Variants in ASTN2 observed in about 807,000 individuals in gnomAD.
The protein encoded by ASTN2 is astrotactin 2.
Under a neutral mutation model 139.8 loss-of-function variants are expected in ASTN2, and 54 were observed. The observed-to-expected ratio is 0.39, with a 90% CI of 0.31 to 0.48. The LOEUF (loss-of-function observed/expected upper bound fraction) is 0.48, where lower values mean the gene tolerates loss of function less well. Among genes scored for constraint, ASTN2 ranks in the 20% least tolerant of loss-of-function variants. ASTN2 has a pLI of 0.95. For synonymous variants in ASTN2, 756 were observed against 719.5 expected (o/e 1.05, Z -0.81); for missense variants, 1,565 against 1,725.1 (o/e 0.91, Z 1.64).
At chr9:116,796,871 G>A (rs1830705524) in intron 13 of ASTN2, among the ~76,000 whole-genome samples, 1 of 152,132 alleles carries the variant, frequency 6.6e-6, no homozygotes, top group Non-Finnish European at 1.5e-5. Flanking sequence ...GAATGCAGTG[G>A]TGCCATCATG....
At chr9:117,060,422 G>C (rs1839233119) in intron 5 of ASTN2, among the ~76,000 whole-genome samples, 1 of 92,222 alleles carries the variant, frequency 1.1e-5, no homozygotes, top group African/African-American at 5.3e-5. Flanking sequence ...AGGAAAGGAA[G>C]GAAGGAAGGA....
chr9:117,274,273 C>T (rs1834133233), intron 2 of ASTN2, among the ~76,000 whole-genome samples: 1 of 152,138 alleles, frequency 6.6e-6, no homozygotes, highest in Non-Finnish European at 1.5e-5. Context: ...TCGCCTGACT[C>T]TGGGAGGTAG....
chr9:117,114,523 A>T, intron 4 of ASTN2, among the ~76,000 whole-genome samples: 1 of 152,318 alleles, frequency 6.6e-6, no homozygotes, highest in East Asian at 1.9e-4. Flanking sequence ...GTTATATATC[A>T]ATCATGGAAT....
chr9:116,578,806 A>G (rs943003272), intron 19 of ASTN2: 1 of 152,198 alleles, frequency 6.6e-6, no homozygotes, highest in African/African-American at 2.4e-5. Flanking sequence ...CCTAATATGT[A>G]ATACATTCTT....
chr9:117,131,685 G>A (rs1350899293), intron 4 of ASTN2, among the ~76,000 whole-genome samples: 1 of 152,136 alleles, frequency 6.6e-6, no homozygotes, highest in Admixed American at 6.5e-5. Context: ...CTTAACTCAA[G>A]CATTTACTTC....
At chr9:116,526,287 T>C (rs1190408732) in intron 19 of ASTN2, among the ~76,000 whole-genome samples, 1 of 152,182 alleles carries the variant, frequency 6.6e-6, no homozygotes, top group East Asian at 1.9e-4. Flanking sequence ...GGAATAATCA[T>C]ACCTACTCTG....
At chr9:116,873,269 C>G (rs984490118) in intron 10 of ASTN2, among the ~76,000 whole-genome samples, 1 of 152,182 alleles carries the variant, frequency 6.6e-6, no homozygotes, top group Non-Finnish European at 1.5e-5. Context: ...GTGCCTGGCA[C>G]ATGGTGACTG....
intron 1 of ASTN2, among the ~76,000 whole-genome samples, chr9:117,333,519 T>C (rs1026416434): frequency 6.6e-6 from 1 of 152,154 alleles, no homozygotes; most frequent in African/African-American, 2.4e-5. Context: ...AAGATGCCCA[T>C]GTAGGTGCTC....
intron 1 of ASTN2, among the ~76,000 whole-genome samples, chr9:117,303,477 G>C (rs1231238397): frequency 6.6e-6 from 1 of 152,022 alleles, no homozygotes; most frequent in East Asian, 1.9e-4. Flanking sequence ...CTTCACCCCT[G>C]CTTTATAGCC....
At chr9:116,736,991 C>T (rs1215938871) in intron 13 of ASTN2, among the ~76,000 whole-genome samples, 1 of 152,154 alleles carries the variant, frequency 6.6e-6, no homozygotes, top group African/African-American at 2.4e-5. Flanking sequence ...CACCCCTTCT[C>T]GGAGGAAGGT....
At chr9:116,822,163 A>G (rs1831501433) in intron 11 of ASTN2, among the ~76,000 whole-genome samples, 2 of 141,634 alleles carry the variant, frequency 1.4e-5, no homozygotes, top group Non-Finnish European at 3.0e-5. Flanking sequence ...AAACATACTC[A>G]CAAAAATTAA....
chr9:117,356,302 T>A (rs1587976815), intron 1 of ASTN2, among the ~76,000 whole-genome samples: 1 of 152,356 alleles, frequency 6.6e-6, no homozygotes, highest in African/African-American at 2.4e-5. Flanking sequence ...TAAATATGCA[T>A]CTCGATTCTT....
chr9:117,137,171 C>T (rs4335199), intron 4 of ASTN2, among the ~76,000 whole-genome samples: 79,055 of 151,966 alleles, frequency 0.52, 20,605 homozygotes, highest in East Asian at 0.67. Flanking sequence ...CCTCCACTAT[C>T]CTTCCTCTGT....
intron 16 of ASTN2, among the ~76,000 whole-genome samples, chr9:116,666,740 G>A (rs1183561966): frequency 1.3e-5 from 2 of 151,856 alleles, no homozygotes; most frequent in Non-Finnish European, 2.9e-5. Context: ...AACAGGTGGT[G>A]AATCCCTAAA....
intron 16 of ASTN2, among the ~76,000 whole-genome samples, chr9:116,667,683 T>C (rs770052261): frequency 4.6e-5 from 7 of 152,240 alleles, no homozygotes; most frequent in Non-Finnish European, 7.3e-5. Context: ...TTTCATATTC[T>C]ACATTATGTA....
chr9:117,402,434 T>A (rs1830859390), intron 1 of ASTN2, among the ~76,000 whole-genome samples: 1 of 152,164 alleles, frequency 6.6e-6, no homozygotes, highest in African/African-American at 2.4e-5. Context: ...AGGAAAACGA[T>A]GAAGAATGAC....
intron 20 of ASTN2, among the ~76,000 whole-genome samples, chr9:116,451,741 A>G (rs1848181218): frequency 6.6e-6 from 1 of 152,118 alleles, no homozygotes; most frequent in East Asian, 1.9e-4. Context: ...TTTGTACGAA[A>G]AAATGATGAC....
intron 1 of ASTN2, among the ~76,000 whole-genome samples, chr9:117,404,239 T>C (rs1056112079): frequency 2.0e-5 from 3 of 152,222 alleles, no homozygotes; most frequent in Admixed American, 6.5e-5. Context: ...TATTGATGGG[T>C]AAGCAGAGGC....
chr9:116,963,064 G>A (rs1835914712), intron 10 of ASTN2, among the ~76,000 whole-genome samples: 1 of 152,084 alleles, frequency 6.6e-6, no homozygotes, highest in Admixed American at 6.6e-5. Flanking sequence ...ACCAGGTGAG[G>A]GCAGAAAGGG....
Sources: gnomAD v4.1 joint callset for allele counts (sites outside exome capture counted in the v4.1 genomes callset) on GRCh38, gnomAD v4.1.1 for gene constraint, MANE v1.5 for transcripts, NCBI Gene and HGNC (gene_info 2026-07-23, HGNC 2026-07-21) for gene names.